SYN3: variants seen among roughly 807,000 people sequenced by gnomAD.
The protein encoded by SYN3 is synapsin III.
Under a neutral mutation model 65.8 loss-of-function variants are expected in SYN3, and 35 were observed. That is an observed-to-expected ratio of 0.53 (90% CI 0.41 to 0.70). The LOEUF is 0.70. Ranked by LOEUF, SYN3 falls within the 30% of genes least tolerant of loss-of-function variation. The probability of loss-of-function intolerance (pLI) is 0.00; values close to 1 mark genes in which losing one functional copy is unlikely to be tolerated. For synonymous variants in SYN3, 270 were observed against 292.9 expected, an observed-to-expected ratio of 0.92 and a Z score of 0.80; for missense variants, 680 against 749.0, an observed-to-expected ratio of 0.91 and a Z score of 1.08.
chr22:33,010,709 C>T (rs535266795), intron 1 of SYN3, among the ~76,000 whole-genome samples: 85 of 152,240 alleles, frequency 5.6e-4, no homozygotes, highest in African/African-American at 1.6e-3. Context: ...GAATATTGTT[C>T]GAGATTGCAT....
At chr22:32,992,842 A>T (rs2052761230) in intron 2 of SYN3, among the ~76,000 whole-genome samples, 1 of 152,172 alleles carries the variant, frequency 6.6e-6, no homozygotes, top group African/African-American at 2.4e-5. Flanking sequence ...AAATAAATTC[A>T]TCTCCTGAGC....
intron 6 of SYN3, 163 bp downstream of exon 6, chr22:32,864,752 G>A (rs1321896954): frequency 9.6e-6 from 6 of 623,600 alleles, no homozygotes; most frequent in African/African-American, 1.8e-5. Context: ...ACTTCCCTTA[G>A]GAAATCCAGG....
At chr22:32,545,456 C>T (rs893183459) in intron 7 of SYN3, among the ~76,000 whole-genome samples, 4 of 152,158 alleles carry the variant, frequency 2.6e-5, no homozygotes, top group East Asian at 1.9e-4. Flanking sequence ...AGTGGGCAGG[C>T]GCCCTCTGGG....
At chr22:32,739,520 G>T (rs1049152684) in intron 6 of SYN3, among the ~76,000 whole-genome samples, 12 of 152,132 alleles carry the variant, frequency 7.9e-5, no homozygotes, top group African/African-American at 2.9e-4. Flanking sequence ...CTGAGGCTCA[G>T]AGCACTGAAG....
intron 6 of SYN3, among the ~76,000 whole-genome samples, chr22:32,797,021 A>G (rs2046444834): frequency 6.6e-6 from 1 of 152,146 alleles, no homozygotes; most frequent in African/African-American, 2.4e-5. Flanking sequence ...CTTTGTGGCC[A>G]TGGCAGATGG....
At chr22:32,796,164 C>T (rs1439314075) in intron 6 of SYN3, among the ~76,000 whole-genome samples, 1 of 152,164 alleles carries the variant, frequency 6.6e-6, no homozygotes, top group African/African-American at 2.4e-5. Flanking sequence ...TTTCATAGTA[C>T]CCTTCACAGA....
chr22:32,923,263 AAGAG>A (rs1311062028), intron 4 of SYN3, among the ~76,000 whole-genome samples: 2 of 152,192 alleles, frequency 1.3e-5, no homozygotes, highest in African/African-American at 4.8e-5. Flanking sequence ...GTCCCAGGTC[AAGAG>A]AGAGAGATTT....
chr22:32,695,214 T>C (rs367764621), intron 6 of SYN3, among the ~76,000 whole-genome samples: 1 of 152,232 alleles, frequency 6.6e-6, no homozygotes, highest in South Asian at 2.1e-4. Context: ...TTTTATTTCA[T>C]TGTTTTTATT....
rs767357058 is a variant in SYN3 at position 32,849,484 on chromosome 22, G to A, written c.711+15431C>T. On this transcript the variant is annotated intron_variant, in intron 6 of 13. Transcript: ENST00000358763. ...GGCCAAGGTGGTGGGGAAGAAGCTG[G>A]TAAAGGAGGGGCCCTTCGGCACGCT... The A allele has an allele frequency of 3.1e-6, 5 of 1,613,860 alleles. No individual in the cohort carries two copies. The highest frequency in any genetic ancestry group is 4.2e-6 in the Non-Finnish European group (5 of 1,179,906).
At chr22:32,773,738 T>A (rs960968232) in intron 6 of SYN3, among the ~76,000 whole-genome samples, 3 of 152,164 alleles carry the variant, frequency 2.0e-5, no homozygotes, top group Non-Finnish European at 4.4e-5. Flanking sequence ...AAGAGGATCA[T>A]GGTCAAGTGA....
chr22:32,942,347 G>C (rs962987869), intron 3 of SYN3, among the ~76,000 whole-genome samples: 5 of 152,192 alleles, frequency 3.3e-5, no homozygotes, highest in African/African-American at 1.2e-4. Context: ...GTCTGGAGTG[G>C]ACCTCCAGCA....
chr22:33,047,270 C>T (rs1417937923), intron 1 of SYN3, among the ~76,000 whole-genome samples: 1 of 152,072 alleles, frequency 6.6e-6, no homozygotes, highest in Non-Finnish European at 1.5e-5. Context: ...CCAATACATC[C>T]CCAGCACTTA....
intron 6 of SYN3, among the ~76,000 whole-genome samples, chr22:32,618,262 A>T (rs936453226): frequency 2.6e-5 from 4 of 152,122 alleles, no homozygotes; most frequent in Admixed American, 2.0e-4. Flanking sequence ...AAATTGTAGG[A>T]AACTGATGCC....
chr22:32,761,276 C>T (rs1021943062), intron 6 of SYN3, among the ~76,000 whole-genome samples: 15 of 152,178 alleles, frequency 9.9e-5, no homozygotes, highest in Admixed American at 2.6e-4. Context: ...AGTTGATTAC[C>T]AAAAGCTCTC....
At chr22:32,699,535 G>T (rs2060783316) in intron 6 of SYN3, among the ~76,000 whole-genome samples, 1 of 152,154 alleles carries the variant, frequency 6.6e-6, no homozygotes, top group African/African-American at 2.4e-5. Flanking sequence ...TGTGTGCAGG[G>T]ATGGGGGTAG....
chr22:32,610,586 T>C (rs1266757755), intron 6 of SYN3, among the ~76,000 whole-genome samples: 1 of 144,006 alleles, frequency 6.9e-6, no homozygotes, highest in East Asian at 1.9e-4. Context: ...TTTTGTTTTG[T>C]TTTGTTTTGT....
intron 6 of SYN3, among the ~76,000 whole-genome samples, chr22:32,703,443 C>T (rs2060836279): frequency 6.6e-6 from 1 of 152,084 alleles, no homozygotes; most frequent in South Asian, 2.1e-4. Context: ...CTGAGACCAT[C>T]CTGGCCAACA....
At chr22:33,052,304 G>A (rs2054180692) in intron 1 of SYN3, among the ~76,000 whole-genome samples, 1 of 152,170 alleles carries the variant, frequency 6.6e-6, no homozygotes, top group Admixed American at 6.5e-5. Context: ...AGAGGGACCT[G>A]GGGCTGTGCC....
chr22:32,832,648 C>T (rs753866804), intron 6 of SYN3, among the ~76,000 whole-genome samples: 2 of 151,214 alleles, frequency 1.3e-5, no homozygotes, highest in Admixed American at 6.6e-5. Context: ...AGTTGGGAGA[C>T]AGAGTCTGGT....
Sources: allele counts gnomAD v4.1 joint callset (sites outside exome capture counted in the v4.1 genomes callset), GRCh38; gene constraint gnomAD v4.1.1; transcripts MANE v1.5; gene names NCBI Gene and HGNC (gene_info 2026-07-23, HGNC 2026-07-21).